The following GALNT18 variants were observed in gnomAD, a reference collection of about 807,000 sequenced individuals.
GALNT18 encodes GalNAc-transferase 18.
In GALNT18, 44 loss-of-function variants were observed where a neutral mutation model predicts 69.5. That is an observed-to-expected ratio of 0.63 (90% CI 0.50 to 0.81). The LOEUF (loss-of-function observed/expected upper bound fraction) is 0.81. Among genes scored for constraint, GALNT18 ranks in the 40% least tolerant of loss-of-function variants. GALNT18 has a pLI of 0.00. For missense variants in GALNT18, 715 were observed against 810.0 expected (o/e 0.88, Z 1.42); for synonymous variants, 364 against 318.2 (o/e 1.14, Z -1.53).
rs184756935 is a variant in GALNT18, at chr11:11,616,915, C to G, written c.235+4444G>C. On this transcript the variant is annotated intron_variant, in intron 1 of 10. Coordinates refer to ENST00000227756, the MANE Select transcript of GALNT18 (RefSeq NM_198516.3). The surrounding 1 kb of genome is among the most constrained non-coding windows in gnomAD (Gnocchi z 4.4). ...AAGTGCTTTGCAAAGGTTTTATAAA[C>G]GGTAGTCAGTTAAAGAATAGCAATC... Among the ~76,000 whole-genome samples, 246 of 152,248 alleles carry G rather than the reference C, an allele frequency of 1.6e-3. No individual in the cohort carries two copies. Among genetic ancestry groups the G allele is most frequent in the African/African-American group, 5.7e-3 (236 of 41,536 alleles).
At chr11:11,290,790 G>A (rs749712497) in intron 10 of GALNT18, among the ~76,000 whole-genome samples, 18 of 152,126 alleles carry the variant, frequency 1.2e-4, no homozygotes, top group East Asian at 1.9e-4. Flanking sequence ...GCTGAACCCA[G>A]AGGCCCAGCA....
In GALNT18 at chr11:11,614,814, C is replaced by A. The variant is rs1030411041; in HGVS notation, c.235+6545G>T. ...ATTCTCCTTGAGATTCTCCACCAAC[C>A]TACTTATCAAGGGAAAATAACAATT... On this transcript the variant is annotated intron_variant, in intron 1 of 10. Transcript: ENST00000227756. This position sits in a 1 kb window ranked among gnomAD's most constrained non-coding sequence, Gnocchi z 5.6. Among the ~76,000 whole-genome samples the A allele has an allele frequency of 6.6e-6, 1 of 152,194 alleles. No individual in the cohort carries two copies. Among genetic ancestry groups the A allele is most frequent in the Admixed American group, 6.5e-5 (1 of 15,280 alleles).
chr11:11,291,371 T>C (rs1849293507), intron 10 of GALNT18, among the ~76,000 whole-genome samples: 1 of 152,208 alleles, frequency 6.6e-6, no homozygotes, highest in Admixed American at 6.5e-5. Flanking sequence ...CTTGGGCATG[T>C]TCGTTAACTT....
At chr11:11,303,765 C>A (rs1849535126) in intron 9 of GALNT18, among the ~76,000 whole-genome samples, 1 of 152,232 alleles carries the variant, frequency 6.6e-6, no homozygotes, top group South Asian at 2.1e-4. Flanking sequence ...CCCTTCTGAC[C>A]TGGGACTGTT....
In GALNT18 at chr11:11,463,534, G is replaced by C. The variant is rs1235547764; in HGVS notation, c.236-14598C>G. Among the ~76,000 whole-genome samples the C allele has an allele frequency of 6.6e-6, 1 of 152,150 alleles. No homozygotes were observed. Among genetic ancestry groups the C allele is most frequent in the African/African-American group, 2.4e-5 (1 of 41,440 alleles). On this transcript the variant is annotated intron_variant, in intron 1 of 10. Transcript: ENST00000227756. The surrounding 1 kb of genome is among the most constrained non-coding windows in gnomAD (Gnocchi z 4.2). Reference sequence around the variant, plus strand: ...GGGAGCCCTAGCTGTTGTGGCCCCAGGGCTGAGCGTGCCATCACTCCCAGC... The same window carrying C: ...GGGAGCCCTAGCTGTTGTGGCCCCACGGCTGAGCGTGCCATCACTCCCAGC...
intron 1 of GALNT18, among the ~76,000 whole-genome samples, chr11:11,566,875 G>A (rs1026235221): frequency 1.3e-5 from 2 of 152,214 alleles, no homozygotes; most frequent in African/African-American, 4.8e-5. Flanking sequence ...CTGCAGAGTG[G>A]ATGTGAGTAC....
chr11:11,443,701 A>G (rs1855582715), intron 2 of GALNT18, among the ~76,000 whole-genome samples: 1 of 152,178 alleles, frequency 6.6e-6, no homozygotes, highest in Non-Finnish European at 1.5e-5. Context: ...CCAGACCAGG[A>G]AGGAAGCAAG....
In GALNT18 at chr11:11,603,107, A is replaced by T. The variant is rs1205162157; in HGVS notation, c.235+18252T>A. Among the ~76,000 whole-genome samples, 1 of 152,244 alleles carries T rather than the reference A, an allele frequency of 6.6e-6. No individual in the cohort carries two copies. Among genetic ancestry groups the T allele is most frequent in the Non-Finnish European group, 1.5e-5 (1 of 68,036 alleles). ...CTTTGAAAGGAGGCAATTCTAAGTT[A>T]TGTCTTCCCATCAACTACTTCAATT... On this transcript the variant is annotated intron_variant, in intron 1 of 10. Coordinates refer to ENST00000227756, the MANE Select transcript of GALNT18 (RefSeq NM_198516.3). This position sits in a 1 kb window ranked among gnomAD's most constrained non-coding sequence, Gnocchi z 4.5.
chr11:11,399,360 G>T (rs943570375), intron 3 of GALNT18, among the ~76,000 whole-genome samples: 4 of 152,148 alleles, frequency 2.6e-5, no homozygotes, highest in Non-Finnish European at 5.9e-5. Context: ...GGCCCTGAAA[G>T]CCATCTTTAA....
intron 9 of GALNT18, among the ~76,000 whole-genome samples, chr11:11,324,889 A>C (rs1258975915): frequency 6.6e-6 from 1 of 152,168 alleles, no homozygotes; most frequent in Non-Finnish European, 1.5e-5. Context: ...TGTGTGGAAC[A>C]CTTTTACACT....
In GALNT18 at chr11:11,332,928, C is replaced by A. The variant is rs1287150025; in HGVS notation, c.1279-97G>T. 7.3e-7 allele frequency: 1 copy of A among 1,372,458 alleles called. No homozygotes were observed. Among genetic ancestry groups the A allele is most frequent in the Non-Finnish European group, 1.0e-6 (1 of 982,860 alleles). 85.0% of individuals were successfully genotyped at this position (1,372,458 alleles called of 1,614,324 possible). On this transcript the variant is annotated intron_variant, in intron 7 of 10. Coordinates refer to ENST00000227756, the MANE Select transcript of GALNT18 (RefSeq NM_198516.3). This position sits in a 1 kb window ranked among gnomAD's most constrained non-coding sequence, Gnocchi z 4.3. ...ATGACCTTGTGCCCCCAACAAGATT[C>A]CTAGAGACTGGGGAAGGGACCATGT...
intron 1 of GALNT18, among the ~76,000 whole-genome samples, chr11:11,565,095 T>A (rs1297398468): frequency 6.6e-6 from 1 of 152,338 alleles, no homozygotes; most frequent in Admixed American, 6.5e-5. Context: ...AACCACCAGC[T>A]CCCAGTATGT....
At chr11:11,608,159 C>T (rs1270898559) in intron 1 of GALNT18, among the ~76,000 whole-genome samples, 1 of 152,074 alleles carries the variant, frequency 6.6e-6, no homozygotes, top group African/African-American at 2.4e-5. Context: ...GTGGGAAAGT[C>T]CCAACTAATT....
chr11:11,597,119 A>G (rs1201320600), intron 1 of GALNT18, among the ~76,000 whole-genome samples: 2 of 152,208 alleles, frequency 1.3e-5, no homozygotes, highest in Non-Finnish European at 2.9e-5. Context: ...TGTTAAACCA[A>G]CCAGGAATTC....
At chr11:11,408,937 G>T (rs976268594) in intron 3 of GALNT18, among the ~76,000 whole-genome samples, 4 of 152,126 alleles carry the variant, frequency 2.6e-5, no homozygotes, top group Non-Finnish European at 4.4e-5. Context: ...AGATGATCAG[G>T]CTCCAAAAGG....
intron 1 of GALNT18, among the ~76,000 whole-genome samples, chr11:11,530,225 C>T (rs11021904): frequency 0.23 from 34,900 of 152,062 alleles, 4,476 homozygotes; most frequent in Non-Finnish European, 0.27. Context: ...GGGAAGGGGC[C>T]CCTGGATTCC....
rs1162172798 is a variant in GALNT18 at position 11,541,073 on chromosome 11, C to T, written c.235+80286G>A. Among the ~76,000 whole-genome samples the T allele has an allele frequency of 6.6e-6, 1 of 152,188 alleles. No homozygotes were observed. The highest frequency in any genetic ancestry group is 1.5e-5 in the Non-Finnish European group (1 of 68,030). ...AAAACAGGGGCAAACAATACACTTC[C>T]CTGCATGTCCCACATCCACTTCTCA... On this transcript the variant is annotated intron_variant, in intron 1 of 10. Coordinates refer to ENST00000227756, the MANE Select transcript of GALNT18 (RefSeq NM_198516.3). This position sits in a 1 kb window ranked among gnomAD's most constrained non-coding sequence, Gnocchi z 4.8.
In GALNT18 at chr11:11,389,665, G is replaced by A. The variant is rs1854137058; in HGVS notation, c.596-10401C>T. 6.6e-6 allele frequency among the ~76,000 whole-genome samples: 1 copy of A among 152,202 alleles called. No individual in the cohort carries two copies. Among genetic ancestry groups the A allele is most frequent in the Admixed American group, 6.5e-5 (1 of 15,288 alleles). The stretch of plus-strand genomic sequence containing the variant: ...CCAGCTCCTCCAGCTTAGGAGTACT[G>A]AGAAGAGTCCTCCCATGAGCTTCTA... On this transcript the variant is annotated intron_variant, in intron 3 of 10. Transcript: ENST00000227756. This position sits in a 1 kb window ranked among gnomAD's most constrained non-coding sequence, Gnocchi z 4.3.
In GALNT18 at chr11:11,613,947, C is replaced by T. The variant is rs974720681; in HGVS notation, c.235+7412G>A. Among the ~76,000 whole-genome samples, 1 of 152,176 alleles carries T rather than the reference C, an allele frequency of 6.6e-6. No homozygotes were observed. Among genetic ancestry groups the T allele is most frequent in the Admixed American group, 6.5e-5 (1 of 15,280 alleles). Reference sequence around the variant, plus strand: ...TCACTCACATTCAGCCGGGTTTTCCCTCCAGGAACTTTCTGTGTAACATCA... The same window carrying T: ...TCACTCACATTCAGCCGGGTTTTCCTTCCAGGAACTTTCTGTGTAACATCA... On this transcript the variant is annotated intron_variant, in intron 1 of 10. Transcript: ENST00000227756. The surrounding 1 kb of genome is among the most constrained non-coding windows in gnomAD (Gnocchi z 4.2).
Sources: gnomAD v4.1 joint callset for allele counts (sites outside exome capture counted in the v4.1 genomes callset) on GRCh38, gnomAD v4.1.1 for gene constraint, Gnocchi (gnomAD v3.1) non-coding constraint, MANE v1.5 for transcripts, NCBI Gene and HGNC (gene_info 2026-07-23, HGNC 2026-07-21) for gene names.